OPCML: variants seen among roughly 807,000 people sequenced by gnomAD.
The protein encoded by OPCML is opioid binding protein/cell adhesion molecule like.
OPCML carries 13 observed loss-of-function variants against 37.8 expected under a neutral mutation model. The ratio of observed to expected loss-of-function variants is 0.34; its 90% CI spans 0.22 to 0.55. The LOEUF (loss-of-function observed/expected upper bound fraction) is 0.55. Ranked by LOEUF, OPCML falls within the 20% of genes least tolerant of loss-of-function variation. The pLI is 0.91. For synonymous variants in OPCML, 176 were observed against 168.8 expected (o/e 1.04, Z -0.33); for missense variants, 341 against 435.6 (o/e 0.78, Z 1.93).
intron 4 of OPCML, among the ~76,000 whole-genome samples, chr11:132,500,117 T>TC (rs1246027800): frequency 2.0e-5 from 3 of 152,180 alleles, no homozygotes; most frequent in African/African-American, 7.2e-5. Context: ...ACTACGTGAC[T>TC]CTTTGGCATC....
At position 133,174,106 on chromosome 11, in the gene OPCML, C is replaced by T. The variant is rs1025108938; in HGVS notation, c.62-231096G>A. Among the ~76,000 whole-genome samples, 2 of 152,218 alleles carry T rather than the reference C, an allele frequency of 1.3e-5. No homozygotes were observed. Among genetic ancestry groups the T allele is most frequent in the Admixed American group, 6.5e-5 (1 of 15,284 alleles). On this transcript the variant is annotated intron_variant, in intron 1 of 7. Transcript: ENST00000524381. This position sits in a 1 kb window ranked among gnomAD's most constrained non-coding sequence, Gnocchi z 4.6. ...GATGCCTCGTTTGATTAATTTATGT[C>T]AGCGTTTTCTGTGTTGTCAGGCTGG...
At chr11:133,140,997 A>AGACGAC (rs1157988377) in intron 1 of OPCML, among the ~76,000 whole-genome samples, 1 of 3,692 alleles carries the variant, frequency 2.7e-4, no homozygotes, top group African/African-American at 4.4e-4. Context: ...AAGAAGAAGA[A>AGACGAC]GACGACGACG....
chr11:132,807,211 A>T (rs779388419), intron 2 of OPCML, among the ~76,000 whole-genome samples: 2 of 152,154 alleles, frequency 1.3e-5, no homozygotes, highest in Non-Finnish European at 2.9e-5. Flanking sequence ...CACAATAGAG[A>T]AAACCTACGT....
At chr11:133,314,232 CAAAAAAAAAAAAA>C (rs59843718) in intron 1 of OPCML, among the ~76,000 whole-genome samples, 19 of 49,752 alleles carry the variant, frequency 3.8e-4, no homozygotes, top group African/African-American at 7.6e-4. Flanking sequence ...GACTCCGTCT[CAAAAAAAAAAAAA>C]AAAAAAAAAA....
intron 1 of OPCML, among the ~76,000 whole-genome samples, chr11:133,295,915 C>T (rs1165408485): frequency 6.6e-6 from 1 of 152,180 alleles, no homozygotes; most frequent in Non-Finnish European, 1.5e-5. Context: ...CTTTGACTTA[C>T]ATTTTGAAAC....
At chr11:133,392,406 A>G (rs1048753047) in intron 1 of OPCML, among the ~76,000 whole-genome samples, 5 of 152,196 alleles carry the variant, frequency 3.3e-5, no homozygotes, top group Non-Finnish European at 7.3e-5. Context: ...TCTTGGCACT[A>G]AGAAAACTGT....
At chr11:132,635,633 C>T (rs1394270554) in intron 3 of OPCML, among the ~76,000 whole-genome samples, 1 of 150,816 alleles carries the variant, frequency 6.6e-6, no homozygotes, top group African/African-American at 2.4e-5. Flanking sequence ...GACAGACATA[C>T]TTAATCTATT....
Position 133,421,461 on chromosome 11 carries a change from C to T in OPCML, c.61+110803G>A, listed in dbSNP as rs190987332. Reference sequence around the variant, plus strand: ...CTCTTGTTAGGGCTCAAAGAAAAAACGGAAATTATCATTTCTATGGCTATC... The same window carrying T: ...CTCTTGTTAGGGCTCAAAGAAAAAATGGAAATTATCATTTCTATGGCTATC... On this transcript the variant is annotated intron_variant, in intron 1 of 7. Coordinates refer to ENST00000524381, the MANE Select transcript of OPCML (RefSeq NM_001012393.5). 3.5e-5 allele frequency: 34 copies of T among 985,384 alleles called. No homozygotes were observed. In the East Asian group the frequency reaches 9.1e-4, roughly 26 times the overall value. The allele number at this position is 985,384 out of a possible 1,614,324, so 61.0% of individuals were successfully genotyped here. A position where few individuals can be genotyped will look rare whatever the true frequency, so the allele number is the denominator to read the frequency against.
chr11:132,473,082 A>G (rs1221518354), intron 4 of OPCML, among the ~76,000 whole-genome samples: 7 of 152,234 alleles, frequency 4.6e-5, no homozygotes, highest in African/African-American at 1.7e-4. Context: ...TGTTTAATGC[A>G]CGGCAATGAA....
chr11:133,341,256 G>A (rs972883887), intron 1 of OPCML, among the ~76,000 whole-genome samples: 1 of 152,190 alleles, frequency 6.6e-6, no homozygotes, highest in Non-Finnish European at 1.5e-5. Flanking sequence ...AAAAGGTCTT[G>A]ATCTAATTCC....
chr11:132,812,885 A>G (rs1375549907), intron 2 of OPCML, among the ~76,000 whole-genome samples: 1 of 152,210 alleles, frequency 6.6e-6, no homozygotes, highest in African/African-American at 2.4e-5. Context: ...TCCACATAAT[A>G]TGTCCTCAAA....
intron 1 of OPCML, among the ~76,000 whole-genome samples, chr11:133,368,490 T>G (rs1036885465): frequency 4.6e-5 from 7 of 152,104 alleles, no homozygotes; most frequent in Non-Finnish European, 1.0e-4. Flanking sequence ...AAGGTAAGTG[T>G]GTCCTTATCC....
chr11:133,373,873 A>G (rs1350147802), intron 1 of OPCML, among the ~76,000 whole-genome samples: 1 of 152,174 alleles, frequency 6.6e-6, no homozygotes, highest in Non-Finnish European at 1.5e-5. Context: ...TTTCCATCAT[A>G]TGCATGTATC....
intron 2 of OPCML, among the ~76,000 whole-genome samples, chr11:132,761,699 C>A (rs532820058): frequency 6.6e-6 from 1 of 152,198 alleles, no homozygotes; most frequent in East Asian, 1.9e-4. Flanking sequence ...TTCTAGTTAG[C>A]AGTTCCCGTA....
intron 2 of OPCML, among the ~76,000 whole-genome samples, chr11:132,667,734 A>G (rs1942284210): frequency 6.6e-6 from 1 of 152,218 alleles, no homozygotes; most frequent in Non-Finnish European, 1.5e-5. Flanking sequence ...GGTAAATGGA[A>G]GAACAGAAGA....
intron 1 of OPCML, among the ~76,000 whole-genome samples, chr11:133,320,698 A>G (rs2136619894): frequency 6.6e-6 from 1 of 152,336 alleles, no homozygotes; most frequent in Non-Finnish European, 1.5e-5. Flanking sequence ...TTCTCTGGAA[A>G]CATCCCAATC....
chr11:132,929,781 G>T (rs1361697492), intron 2 of OPCML, among the ~76,000 whole-genome samples: 2 of 152,082 alleles, frequency 1.3e-5, no homozygotes, highest in African/African-American at 4.8e-5. Flanking sequence ...ACATTAACCA[G>T]TTGAAGGAAA....
intron 4 of OPCML, among the ~76,000 whole-genome samples, chr11:132,500,361 T>C (rs2096242962): frequency 6.6e-6 from 1 of 152,134 alleles, no homozygotes; most frequent in Admixed American, 6.5e-5. Context: ...ATTTCCATAA[T>C]CAGGAAAATT....
In OPCML at chr11:132,730,179, A is replaced by AT. The variant is rs967504922; in HGVS notation, c.147-72861dup. On this transcript the variant is annotated intron_variant, in intron 2 of 7. Transcript: ENST00000524381. The stretch of plus-strand genomic sequence containing the variant: ...AGGCACCCGCCACCACACCTAGCTA[A>AT]TTTTTTTTGTATTTTCAGTAGAGAT... 1.9e-4 allele frequency among the ~76,000 whole-genome samples: 29 copies of AT among 151,566 alleles called. No homozygotes were observed. The South Asian group carries it at 3.8e-3, about 20-fold the overall frequency.
Sources: allele counts gnomAD v4.1 joint callset (sites outside exome capture counted in the v4.1 genomes callset), GRCh38; gene constraint gnomAD v4.1.1; non-coding constraint Gnocchi (gnomAD v3.1); transcripts MANE v1.5; gene names NCBI Gene and HGNC (gene_info 2026-07-23, HGNC 2026-07-21).